The following ZNF799 variants were observed in gnomAD, a reference collection of about 807,000 sequenced individuals.
ZNF799 encodes the protein zinc finger protein 799.
Under a neutral mutation model 41.0 loss-of-function variants are expected in ZNF799, and 28 were observed. The ratio of observed to expected loss-of-function variants is 0.68; its 90% CI spans 0.51 to 0.94. The LOEUF is 0.94. ZNF799 is among the 40% of genes least tolerant of loss of function. The probability of loss-of-function intolerance (pLI) is 0.00; values close to 1 mark genes in which losing one functional copy is unlikely to be tolerated. For synonymous variants in ZNF799, 213 were observed against 252.9 expected (o/e 0.84, Z 1.50); for missense variants, 716 against 764.3 (o/e 0.94, Z 0.74).
At chr19:12,399,702 G>C (rs1398104297) in intron 1 of ZNF799, among the ~76,000 whole-genome samples, 1 of 148,394 alleles carries the variant, frequency 6.7e-6, no homozygotes, top group East Asian at 2.0e-4. Flanking sequence ...GGGATGCAGA[G>C]GCACGATCAT....
rs199602674 is a variant in ZNF799 at position 12,391,679 on chromosome 19, T to C, written c.719A>G (p.Tyr240Cys). 2,987 of 1,611,504 alleles carry C rather than the reference T, an allele frequency of 1.9e-3. 49 individuals carry two copies. The South Asian group carries it at 0.022, about 12-fold the overall frequency. The part of the protein sequence containing the change: ...CSKAFSFYSS[Y>C]LRHERTHTGE... ...AGTATGTGTTCTTTCATGTCTTAGA[T>C]AGGAACTGTAAAAAGAAAAGGCTTT... Residue 240 changes from tyrosine to cysteine, a missense_variant, in exon 4 of 4, where the codon TAT (tyrosine) becomes TGT (cysteine). Transcript: ENST00000430385.
At chr19:12,404,795 G>A (rs949114812), upstream of ZNF799, among the ~76,000 whole-genome samples, 3 of 152,188 alleles carry the variant, frequency 2.0e-5, no homozygotes, top group African/African-American at 7.2e-5. Context: ...TCAAAAGCCT[G>A]CAACCACCTG....
At chr19:12,414,004 T>G in the ZNF799 span, among the ~76,000 whole-genome samples, 216 of 152,324 alleles carry the variant, frequency 1.4e-3, no homozygotes, top group African/African-American at 4.9e-3. Flanking sequence ...CTACGGCTCC[T>G]GCGGCCTGTG....
chr19:12,413,779 T>G, the ZNF799 span, among the ~76,000 whole-genome samples: 11 of 151,668 alleles, frequency 7.3e-5, no homozygotes, highest in African/African-American at 2.7e-4. Context: ...AAGAGTTAGG[T>G]TGAGGAGACA....
At chr19:12,394,839 A>G (rs1969871986) in intron 1 of ZNF799, 2 of 985,302 alleles carry the variant, frequency 2.0e-6, no homozygotes, top group East Asian at 1.1e-4. Context: ...TCTCACCAAG[A>G]AAGTGCAGCA....
At position 12,390,805 on chromosome 19, in the gene ZNF799, C is replaced by T. The variant is rs540659611; in HGVS notation, c.1593G>A (p.Pro531=). 3.5e-5 allele frequency: 57 copies of T among 1,613,970 alleles called. No homozygotes were observed. In the Middle Eastern group the frequency reaches 4.9e-4, roughly 14 times the overall value. ...CTTTCCCACATTCCTTACATTCATA[C>T]GGCTTCTCTCCAGAGTGAATTCTTT... is the stretch of plus-strand genomic sequence containing the variant. The part of the protein sequence containing the change: ...VHERIHSGEK[P]YECKECGKAF... Residue 531 remains proline, a synonymous_variant, in exon 4 of 4, where the codon CCG becomes CCA. Coordinates refer to ENST00000430385, the MANE Select transcript of ZNF799 (RefSeq NM_001080821.3).
rs1486826409 is a variant in ZNF799 at position 12,401,048 on chromosome 19, C to T, written c.3+20G>A. The T allele has an allele frequency of 6.2e-7, 1 of 1,613,886 alleles. No homozygotes were observed. Among genetic ancestry groups the T allele is most frequent in the Non-Finnish European group, 8.5e-7 (1 of 1,179,912 alleles). Reference sequence around the variant, plus strand: ...ACCCAGCCCCTCCCCCGCCTCGGGACGCCGGCCCAGCACACGCACCATTTC... The same window carrying T: ...ACCCAGCCCCTCCCCCGCCTCGGGATGCCGGCCCAGCACACGCACCATTTC... On this transcript the variant is annotated intron_variant, in intron 1 of 3. Coordinates refer to ENST00000430385, the MANE Select transcript of ZNF799 (RefSeq NM_001080821.3).
the ZNF799 span, among the ~76,000 whole-genome samples, chr19:12,414,394 T>C: frequency 6.6e-6 from 1 of 152,258 alleles, no homozygotes; most frequent in Non-Finnish European, 1.5e-5. Flanking sequence ...CTCAATGAGC[T>C]CTTACTACCT....
At chr19:12,394,012 T>C (rs1395170612) in intron 1 of ZNF799, 1 of 154,242 alleles carries the variant, frequency 6.5e-6, no homozygotes, top group Non-Finnish European at 1.4e-5. Flanking sequence ...CAGCCACTGC[T>C]AGGTTTGAAT....
At chr19:12,413,314 C>T in the ZNF799 span, among the ~76,000 whole-genome samples, 1 of 152,190 alleles carries the variant, frequency 6.6e-6, no homozygotes, top group African/African-American at 2.4e-5. Context: ...CCCCTCCCTT[C>T]TCCTAAAGGT....
intron 1 of ZNF799, chr19:12,394,651 C>G (rs1382866825): frequency 1.0e-6 from 1 of 984,930 alleles, no homozygotes; most frequent in African/African-American, 1.8e-5. Context: ...TTGAGTAACG[C>G]CAAAGGGGAA....
the ZNF799 span, among the ~76,000 whole-genome samples, chr19:12,410,617 A>T: frequency 6.6e-6 from 1 of 152,208 alleles, no homozygotes; most frequent in Non-Finnish European, 1.5e-5. Context: ...CAATGAGAAT[A>T]TATTAATGAA....
chr19:12,413,629 G>A, the ZNF799 span, among the ~76,000 whole-genome samples: 2 of 152,208 alleles, frequency 1.3e-5, no homozygotes, highest in Non-Finnish European at 1.5e-5. Context: ...GGTCAGACAG[G>A]TAATGTACAC....
chr19:12,411,092 T>G, the ZNF799 span, among the ~76,000 whole-genome samples: 438 of 152,306 alleles, frequency 2.9e-3, 1 homozygote, highest in Non-Finnish European at 4.0e-3. Context: ...GCACTGCAAC[T>G]AGACAGATGA....
Position 12,392,832 on chromosome 19 carries a change from A to G in ZNF799, c.131-169T>C, listed in dbSNP as rs1285626795. On this transcript the variant is annotated intron_variant, in intron 2 of 3. Transcript: ENST00000430385. ...AGTCCATTTGTATATACATATATAT[A>G]TGAATGTTCTTCAGTCTCTGCTACC... 3.3e-5 allele frequency among the ~76,000 whole-genome samples: 5 copies of G among 152,182 alleles called. No individual in the cohort carries two copies. The South Asian group carries it at 1.0e-3, about 32-fold the overall frequency.
chr19:12,407,404 A>G, the ZNF799 span, among the ~76,000 whole-genome samples: 3 of 151,820 alleles, frequency 2.0e-5, no homozygotes. Flanking sequence ...TGGAGGCTGC[A>G]GTTAGCTATA....
chr19:12,414,482 C>G, the ZNF799 span, among the ~76,000 whole-genome samples: 1 of 152,164 alleles, frequency 6.6e-6, no homozygotes, highest in South Asian at 2.1e-4. Context: ...AGCCTCAGAG[C>G]AGGAGGGGAG....
chr19:12,391,718 C>T lies in ZNF799; in HGVS notation c.680G>A (p.Cys227Tyr), dbSNP rs1969822939. The stretch of plus-strand genomic sequence containing the variant: ...AGAAAAGGCTTTAGAACACTGCTTA[C>T]ATTCATATGGTTTCTCTCCAGTGTG... ...RTHTGEKPYE[C>Y]KQCSKAFSFY... Residue 227 changes from cysteine (C) to tyrosine (Y), a missense_variant, in exon 4 of 4, where the codon TGT becomes TAT. Physicochemically the swap from Cys to Tyr is radical, Grantham distance 194 (BLOSUM62 -2). Transcript: ENST00000430385. 6.2e-7 allele frequency: 1 copy of T among 1,614,124 alleles called. No homozygotes were observed. Among genetic ancestry groups the T allele is most frequent in the Non-Finnish European group, 8.5e-7 (1 of 1,180,004 alleles).
At chr19:12,396,362 G>T (rs1338238422) in intron 1 of ZNF799, among the ~76,000 whole-genome samples, 1 of 152,262 alleles carries the variant, frequency 6.6e-6, no homozygotes, top group Non-Finnish European at 1.5e-5. Flanking sequence ...TTAAAAAGTA[G>T]AAATTAACTG....
Sources: allele counts gnomAD v4.1 joint callset (sites outside exome capture counted in the v4.1 genomes callset), GRCh38; gene constraint gnomAD v4.1.1; transcripts MANE v1.5; gene names NCBI Gene and HGNC (gene_info 2026-07-23, HGNC 2026-07-21).